FAM13A: variants seen among roughly 807,000 people sequenced by gnomAD.
FAM13A encodes protein FAM13A.
FAM13A carries 76 observed loss-of-function variants against 129.6 expected under a neutral mutation model. The ratio of observed to expected loss-of-function variants is 0.59; its 90% CI spans 0.49 to 0.71. The LOEUF (loss-of-function observed/expected upper bound fraction) is 0.71. Among genes scored for constraint, FAM13A ranks in the 30% least tolerant of loss-of-function variants. The pLI, the probability that FAM13A is intolerant of heterozygous loss-of-function variation, is 0.00. For synonymous variants in FAM13A, 443 were observed against 449.9 expected, an observed-to-expected ratio of 0.98 and a Z score of 0.20; for missense variants, 1,108 against 1,249.3, an observed-to-expected ratio of 0.89 and a Z score of 1.70.
chr4:89,008,678 G>A (rs947939612), intron 3 of FAM13A, among the ~76,000 whole-genome samples: 2 of 152,136 alleles, frequency 1.3e-5, no homozygotes, highest in African/African-American at 4.8e-5. Context: ...ACTGAGCTGA[G>A]CTTCACTTTC....
In FAM13A at chr4:88,788,852, TTAAC is replaced by T. The variant is rs368083486; in HGVS notation, c.1092-924_1092-921del. Among the ~76,000 whole-genome samples, 546 of 152,296 alleles carry T rather than the reference TTAAC, an allele frequency of 3.6e-3. 5 individuals carry two copies. Among genetic ancestry groups the T allele is most frequent in the African/African-American group, 0.013 (526 of 41,578 alleles). On this transcript the variant is annotated intron_variant, in intron 9 of 23. Transcript: ENST00000264344. ...CTTAAATAAACTGTGTTTTGAGAAC[TTAAC>T]TAATTTCAGATTTTTCAAATGCAGT...
chr4:88,950,206 G>A (rs1756707830), intron 4 of FAM13A, among the ~76,000 whole-genome samples: 2 of 101,132 alleles, frequency 2.0e-5, no homozygotes, highest in African/African-American at 8.5e-5. Context: ...ATAAAAATCA[G>A]GCTTTTTTTT....
intron 5 of FAM13A, among the ~76,000 whole-genome samples, chr4:88,911,526 C>T (rs1247365802): frequency 1.3e-5 from 2 of 152,188 alleles, no homozygotes; most frequent in African/African-American, 2.4e-5. Context: ...ACAGAAACAT[C>T]GGAGCAGAAG....
At chr4:88,892,927 AT>A (rs1357674140) in intron 6 of FAM13A, among the ~76,000 whole-genome samples, 1 of 152,196 alleles carries the variant, frequency 6.6e-6, no homozygotes, top group African/African-American at 2.4e-5. Context: ...AAAAGGTACT[AT>A]ATTCAATATG....
Position 88,938,125 on chromosome 4 carries a change from A to G in FAM13A, c.722T>C (p.Leu241Pro), listed in dbSNP as rs1754137298. ...AAGCCTAGCCAGGTTTTCACATCTC[A>G]GATGATCATTTTCTGTATACTCTAC... The part of the protein sequence containing the change: ...FEVEYTENDH[L>P]RCENLARLII... Residue 241 changes from leucine to proline, a missense_variant, in exon 5 of 24, where the codon CTG becomes CCG. This residue lies in a region of FAM13A where 566 missense variants were observed against 595.7 expected (regional missense o/e 0.95). Transcript: ENST00000264344. The G allele has an allele frequency of 3.7e-6, 6 of 1,613,556 alleles. No homozygotes were observed. The highest frequency in any genetic ancestry group is 3.3e-5 in the South Asian group (3 of 91,052).
chr4:88,861,456 A>C (rs1368392557), intron 6 of FAM13A, among the ~76,000 whole-genome samples: 1 of 151,992 alleles, frequency 6.6e-6, no homozygotes, highest in Admixed American at 6.5e-5. Flanking sequence ...CTGGGCACAT[A>C]ATAAATGACA....
intron 5 of FAM13A, among the ~76,000 whole-genome samples, chr4:88,906,773 G>A (rs1178066172): frequency 6.6e-6 from 1 of 152,168 alleles, no homozygotes; most frequent in Admixed American, 6.5e-5. Flanking sequence ...TAGACAGCTT[G>A]CTCTTCTTTT....
At chr4:88,846,182 T>C (rs371467896) in intron 7 of FAM13A, among the ~76,000 whole-genome samples, 3 of 152,214 alleles carry the variant, frequency 2.0e-5, no homozygotes, top group African/African-American at 4.8e-5. Context: ...TCAAACCTAA[T>C]GACAATTTTC....
At chr4:88,905,442 T>C (rs1406349832) in intron 6 of FAM13A, among the ~76,000 whole-genome samples, 2 of 152,136 alleles carry the variant, frequency 1.3e-5, no homozygotes, top group Admixed American at 6.6e-5. Context: ...TGGGGGTACA[T>C]GTGAAGGTTA....
intron 2 of FAM13A, among the ~76,000 whole-genome samples, chr4:89,021,882 A>C (rs1767305819): frequency 1.3e-5 from 2 of 149,852 alleles, no homozygotes; most frequent in Non-Finnish European, 3.0e-5. Context: ...GAAAAAAAAA[A>C]CACTGTAAAA....
In FAM13A at chr4:88,961,579, G is replaced by T. The variant is rs932868016; in HGVS notation, c.606-23338C>A. Reference sequence around the variant, plus strand: ...AGACGGGTTTTTGCCATGTTGGCCAGGCTGGTCTCGAACTCCTGACCTTGT... The same window carrying T: ...AGACGGGTTTTTGCCATGTTGGCCATGCTGGTCTCGAACTCCTGACCTTGT... On this transcript the variant is annotated intron_variant, in intron 4 of 23. Transcript: ENST00000264344. Among the ~76,000 whole-genome samples the T allele has an allele frequency of 2.6e-5, 4 of 152,116 alleles. No homozygotes were observed. In the East Asian group the frequency reaches 7.7e-4, roughly 29 times the overall value.
At position 88,961,683 on chromosome 4, in the gene FAM13A, T is replaced by C. The variant is rs373135922; in HGVS notation, c.606-23442A>G. 6.6e-5 allele frequency among the ~76,000 whole-genome samples: 10 copies of C among 151,960 alleles called. No individual in the cohort carries two copies. In the East Asian group the frequency reaches 1.9e-3, roughly 29 times the overall value. On this transcript the variant is annotated intron_variant, in intron 4 of 23. Coordinates refer to ENST00000264344, the MANE Select transcript of FAM13A (RefSeq NM_014883.4). ...TGTCTGGCCAGAACTTGCCTTTTAG[T>C]GGTGTGTGGAAGAAGCAGTAGGGAA...
At chr4:88,731,590 C>T (rs1737808381) in intron 22 of FAM13A, 162 bp from the exon 23 acceptor site, 1 of 538,126 alleles carries the variant, frequency 1.9e-6, no homozygotes, top group African/African-American at 1.9e-5. Context: ...TTTCCATTTC[C>T]TGAAAGCCAA....
intron 17 of FAM13A, among the ~76,000 whole-genome samples, chr4:88,748,056 A>AT (rs934828733): frequency 3.3e-5 from 5 of 151,568 alleles, no homozygotes; most frequent in African/African-American, 1.2e-4. Flanking sequence ...CGCCCGGCTA[A>AT]TTTTTTTTGG....
intron 7 of FAM13A, among the ~76,000 whole-genome samples, chr4:88,834,061 T>A (rs941753031): frequency 7.1e-6 from 1 of 140,796 alleles, no homozygotes; most frequent in Non-Finnish European, 1.5e-5. Flanking sequence ...GGCTATTTTT[T>A]TTTTTTTTTT....
At chr4:89,028,238 A>T (rs1013083552) in intron 2 of FAM13A, among the ~76,000 whole-genome samples, 4 of 150,826 alleles carry the variant, frequency 2.7e-5, no homozygotes, top group African/African-American at 9.7e-5. Context: ...CCAAAAACTG[A>T]TGAATTGTTT....
intron 6 of FAM13A, among the ~76,000 whole-genome samples, chr4:88,864,151 T>G (rs866256595): frequency 1.3e-5 from 2 of 152,340 alleles, no homozygotes; most frequent in South Asian, 4.1e-4. Context: ...GAGTTTATAC[T>G]CTACTGAAAG....
chr4:88,901,684 T>C (rs1747322822), intron 6 of FAM13A, among the ~76,000 whole-genome samples: 1 of 150,480 alleles, frequency 6.6e-6, no homozygotes, highest in African/African-American at 2.4e-5. Flanking sequence ...ACATCACAAC[T>C]AAAAGAACTA....
chr4:88,875,157 C>A (rs1335120528), intron 6 of FAM13A, among the ~76,000 whole-genome samples: 3 of 152,168 alleles, frequency 2.0e-5, no homozygotes, highest in Non-Finnish European at 4.4e-5. Flanking sequence ...GGATTAAAGA[C>A]TTAAATGTTA....
Sources: allele counts gnomAD v4.1 joint callset (sites outside exome capture counted in the v4.1 genomes callset), GRCh38; gene constraint gnomAD v4.1.1; regional missense constraint gnomAD v4.1.1; transcripts MANE v1.5; gene names NCBI Gene and HGNC (gene_info 2026-07-23, HGNC 2026-07-21).